Variants in DDX46 observed in about 807,000 individuals in gnomAD.
The protein encoded by DDX46 is DEAD-box helicase 46, also known as probable ATP-dependent RNA helicase DDX46.
In DDX46, 30 loss-of-function variants were observed where a neutral mutation model predicts 134.9. The observed-to-expected ratio is 0.22, with a 90% CI of 0.17 to 0.30. The LOEUF is 0.30. Ranked by LOEUF, DDX46 falls within the 10% of genes least tolerant of loss-of-function variation. DDX46 has a pLI of 1.00. For missense variants in DDX46, 622 were observed against 1,248.7 expected, an observed-to-expected ratio of 0.50 and a Z score of 7.56; for synonymous variants, 415 against 404.1, an observed-to-expected ratio of 1.03 and a Z score of -0.32.
chr5:134,759,001 G>T, intron 1 of DDX46, 46 bp downstream of exon 1: 1 of 1,603,510 alleles, frequency 6.2e-7, no homozygotes, highest in Non-Finnish European at 8.5e-7. Context: ...GGCTTCTTGG[G>T]GTCGTGAGAA....
At chr5:134,819,952 G>C (rs999333339) in intron 21 of DDX46, among the ~76,000 whole-genome samples, 1 of 152,078 alleles carries the variant, frequency 6.6e-6, no homozygotes, top group African/African-American at 2.4e-5. Context: ...ATGGAGTCTT[G>C]CTCTGTTGCC....
Position 134,830,408 on chromosome 5 carries a change from G to A in DDX46, c.*1702G>A, listed in dbSNP as rs1285642898. 6.6e-6 allele frequency: 1 copy of A among 151,838 alleles called. No homozygotes were observed. Among genetic ancestry groups the A allele is most frequent in the African/African-American group, 2.4e-5 (1 of 41,166 alleles). 9.4% of individuals were successfully genotyped at this position (151,838 alleles called of 1,614,324 possible). On this transcript the variant is annotated 3_prime_UTR_variant, in exon 23 of 23. Coordinates refer to ENST00000452510, the MANE Select transcript of DDX46 (RefSeq NM_001300860.2). ...GGTATAGAGGAGGGGTTTAAGGGGT[G>A]TCCTGCAATCAGTCCCCCTCTCATA... is the stretch of plus-strand genomic sequence containing the variant.
Position 134,829,965 on chromosome 5 carries a change from G to T in DDX46, c.*1259G>T, listed in dbSNP as rs1412521955. ...ATAAATAAATAAATAGTATTTTTGA[G>T]CCTTCAAGATACAGTTCCTGAATAT... On this transcript the variant is annotated 3_prime_UTR_variant, in exon 23 of 23. Transcript: ENST00000452510. The T allele has an allele frequency of 9.3e-6, 1 of 108,050 alleles. No homozygotes were observed. The highest frequency in any genetic ancestry group is 4.9e-5 in the African/African-American group (1 of 20,448). The allele number at this position is 108,050 out of a possible 1,614,324, so 6.7% of individuals were successfully genotyped here. A position where few individuals can be genotyped will look rare whatever the true frequency, so the allele number is the denominator to read the frequency against.
chr5:134,789,518 G>A (rs1176196007), intron 12 of DDX46, among the ~76,000 whole-genome samples: 1 of 152,000 alleles, frequency 6.6e-6, no homozygotes, highest in Non-Finnish European at 1.5e-5. Context: ...AAGTGACATC[G>A]AAATTGAGAA....
Position 134,818,945 on chromosome 5 carries a change from A to T in DDX46, c.2918A>T (p.Tyr973Phe). 1 of 1,614,050 alleles carries T rather than the reference A, an allele frequency of 6.2e-7. No homozygotes were observed. The highest frequency in any genetic ancestry group is 8.5e-7 in the Non-Finnish European group (1 of 1,179,978). Reference sequence around the variant, plus strand: ...GCCGCAATTACAATCAGAGGAACCTACTTCCCTCCTGGCAAAGAACCCAAG... The same window carrying T: ...GCCGCAATTACAATCAGAGGAACCTTCTTCCCTCCTGGCAAAGAACCCAAG... ...SEAAITIRGT[Y>F]FPPGKEPKEG... is the part of the protein sequence containing the mutation. The change falls in exon 21 of 23, where the codon TAC becomes TTC. Residue 973 changes from tyrosine (Y) to phenylalanine (F), a missense_variant. Tyr to Phe is a conservative substitution (Grantham distance 22). Transcript: ENST00000452510.
At position 134,766,872 on chromosome 5, in the gene DDX46, A is replaced by G. The variant is rs779530922; in HGVS notation, c.207-45A>G. 3.8e-6 allele frequency: 6 copies of G among 1,577,404 alleles called. No individual in the cohort carries two copies. In the South Asian group the frequency reaches 7.0e-5, roughly 18 times the overall value. ...ACAGAATCCCCTGATCTGAAATAGT[A>G]GCTCCATTTGGTCATAGAATAAATG... On this transcript the variant is annotated intron_variant, in intron 2 of 22. Transcript: ENST00000452510.
intron 6 of DDX46, among the ~76,000 whole-genome samples, chr5:134,778,220 G>A (rs986640136): frequency 3.3e-5 from 5 of 151,774 alleles, no homozygotes; most frequent in Non-Finnish European, 7.4e-5. Flanking sequence ...GTTTTACCAT[G>A]TTGCTCACGC....
chr5:134,790,499 T>C lies in DDX46; in HGVS notation c.1573T>C (p.Tyr525His). The stretch of plus-strand genomic sequence containing the variant: ...GGTCACAAATCTTCGAAGAGTGACA[T>C]ATGTTGTTTTAGATGAAGCAGACAG... ...GRVTNLRRVT[Y>H]VVLDEADRMF... is the part of the protein sequence containing the mutation. The change falls in exon 13 of 23, where the codon TAT (tyrosine) becomes CAT (histidine). Residue 525 changes from tyrosine (Y) to histidine (H), a missense_variant. By Grantham distance (83) the Tyr-to-His change is moderately conservative. This residue lies in a region of DDX46 where 209 missense variants were observed against 508.4 expected (regional missense o/e 0.41). Transcript: ENST00000452510. 1 of 1,613,252 alleles carries C rather than the reference T, an allele frequency of 6.2e-7. No homozygotes were observed. The highest frequency in any genetic ancestry group is 8.5e-7 in the Non-Finnish European group (1 of 1,179,834).
chr5:134,809,976 G>A (rs1755096105), intron 16 of DDX46, among the ~76,000 whole-genome samples: 1 of 152,166 alleles, frequency 6.6e-6, no homozygotes, highest in African/African-American at 2.4e-5. Context: ...TTGTGCCATT[G>A]CACTCCAGCC....
chr5:134,819,630 A>G (rs970068839), intron 21 of DDX46, among the ~76,000 whole-genome samples: 2 of 151,916 alleles, frequency 1.3e-5, no homozygotes, highest in Admixed American at 6.6e-5. Flanking sequence ...CCTGGGCTCA[A>G]GTGATCCTCC....
rs959829870 is a variant in DDX46, at chr5:134,772,433, A to G, written c.448-1263A>G. Among the ~76,000 whole-genome samples the G allele has an allele frequency of 2.6e-5, 4 of 151,814 alleles. 1 individual carries two copies. The highest frequency in any genetic ancestry group is 4.4e-5 in the Non-Finnish European group (3 of 67,970). On this transcript the variant is annotated intron_variant, in intron 4 of 22. Transcript: ENST00000452510. Reference sequence around the variant, plus strand: ...GCTACTCGGGAGGCTGAGATAGGAGAATGGCTTGAACCCCGGACTTGGAGA... The same window carrying G: ...GCTACTCGGGAGGCTGAGATAGGAGGATGGCTTGAACCCCGGACTTGGAGA...
At chr5:134,761,558 G>T (rs1481047851) in intron 1 of DDX46, among the ~76,000 whole-genome samples, 1 of 152,128 alleles carries the variant, frequency 6.6e-6, no homozygotes. Flanking sequence ...TACACTAATA[G>T]CTGTCCAGTT....
At chr5:134,821,830 C>T (rs1407663987) in intron 21 of DDX46, among the ~76,000 whole-genome samples, 1 of 151,814 alleles carries the variant, frequency 6.6e-6, no homozygotes, top group African/African-American at 2.4e-5. Flanking sequence ...GCTGGGATTA[C>T]AGGCAGGAGC....
chr5:134,812,939 A>G (rs574571976), intron 18 of DDX46, among the ~76,000 whole-genome samples: 3 of 151,404 alleles, frequency 2.0e-5, no homozygotes, highest in South Asian at 2.1e-4. Flanking sequence ...TGCCTGGCCA[A>G]TAAAGTCATT....
chr5:134,796,854 A>T (rs1436405627), intron 15 of DDX46, among the ~76,000 whole-genome samples: 42 of 85,384 alleles, frequency 4.9e-4, no homozygotes, highest in African/African-American at 2.1e-3. Context: ...CTCTCTCCAT[A>T]AAAAAAAAAA....
chr5:134,814,457 C>T (rs1178736027), intron 18 of DDX46, among the ~76,000 whole-genome samples: 1 of 152,132 alleles, frequency 6.6e-6, no homozygotes, highest in Non-Finnish European at 1.5e-5. Context: ...GTTAGCTCTA[C>T]CAGCTAGCAT....
intron 18 of DDX46, among the ~76,000 whole-genome samples, chr5:134,813,186 G>C (rs150320099): frequency 6.6e-6 from 1 of 152,006 alleles, no homozygotes; most frequent in Non-Finnish European, 1.5e-5. Context: ...TTCGTGATCC[G>C]CCTGCCTCGG....
chr5:134,804,834 C>T, intron 15 of DDX46: 2 of 415,198 alleles, frequency 4.8e-6, no homozygotes, highest in Middle Eastern at 9.1e-4. Flanking sequence ...TTTTCTGTTC[C>T]TTGATAAGGA....
At chr5:134,763,776 A>G (rs1753469769) in intron 1 of DDX46, 128 bp from the exon 2 acceptor site, 2 of 1,127,852 alleles carry the variant, frequency 1.8e-6, no homozygotes, top group Non-Finnish European at 2.5e-6. Flanking sequence ...TCCTAATTTT[A>G]GAAAAATTCA....
Sources: allele counts gnomAD v4.1 joint callset (sites outside exome capture counted in the v4.1 genomes callset), GRCh38; gene constraint gnomAD v4.1.1; regional missense constraint gnomAD v4.1.1; transcripts MANE v1.5; gene names NCBI Gene and HGNC (gene_info 2026-07-23, HGNC 2026-07-21).